The following RBBP8 variants were observed in gnomAD, a reference collection of about 807,000 sequenced individuals.
RBBP8 encodes RB binding protein 8, endonuclease, also known as DNA endonuclease RBBP8.
A neutral mutation model predicts 108.3 loss-of-function variants in RBBP8; 88 were observed. The observed-to-expected ratio is 0.81, with a 90% CI of 0.68 to 0.97. The LOEUF (loss-of-function observed/expected upper bound fraction) is 0.97, where lower values mean the gene tolerates loss of function less well. RBBP8 is among the 50% of genes least tolerant of loss of function. The probability of loss-of-function intolerance (pLI) is 0.00; values close to 1 mark genes in which losing one functional copy is unlikely to be tolerated. For synonymous variants in RBBP8, 332 were observed against 348.2 expected (o/e 0.95, Z 0.52); for missense variants, 1,023 against 1,049.0 (o/e 0.98, Z 0.34).
At chr18:23,016,521 C>T (rs1219454865) in intron 16 of RBBP8, among the ~76,000 whole-genome samples, 4 of 152,030 alleles carry the variant, frequency 2.6e-5, no homozygotes, top group Non-Finnish European at 2.9e-5. Flanking sequence ...CAAGCCTGGC[C>T]AACAGAGCAA....
intron 2 of RBBP8, among the ~76,000 whole-genome samples, chr18:22,944,185 T>A (rs139507162): frequency 6.6e-6 from 1 of 152,190 alleles, no homozygotes; most frequent in African/African-American, 2.4e-5. Context: ...ATGCTAAAAT[T>A]TAAACACACA....
chr18:22,936,622 AT>A, intron 1 of RBBP8, 131 bp from the exon 2 acceptor site: 1 of 510,632 alleles, frequency 2.0e-6, no homozygotes, highest in Non-Finnish European at 3.5e-6. Context: ...CCCCTCCCAA[AT>A]TCTAAAAATG....
chr18:22,962,891 G>A (rs781082787), intron 4 of RBBP8, among the ~76,000 whole-genome samples: 2 of 152,044 alleles, frequency 1.3e-5, no homozygotes, highest in African/African-American at 2.4e-5. Context: ...ATGAGCCACC[G>A]CACCCAGCCC....
chr18:22,964,640 A>G (rs1462961365), intron 4 of RBBP8, among the ~76,000 whole-genome samples: 1 of 147,064 alleles, frequency 6.8e-6, no homozygotes, highest in African/African-American at 2.6e-5. Context: ...TTTTTATTTT[A>G]TTTTATTTTA....
At chr18:23,016,417 G>T (rs981618614) in intron 16 of RBBP8, among the ~76,000 whole-genome samples, 1 of 152,004 alleles carries the variant, frequency 6.6e-6, no homozygotes, top group Non-Finnish European at 1.5e-5. Flanking sequence ...GGTGGTACAG[G>T]CCTGTAATCC....
chr18:22,980,819 A>G (rs374704174), intron 6 of RBBP8, among the ~76,000 whole-genome samples: 1 of 148,928 alleles, frequency 6.7e-6, no homozygotes, highest in South Asian at 2.1e-4. Context: ...GGCTCAGGCA[A>G]CCCTCCCACC....
intron 3 of RBBP8, among the ~76,000 whole-genome samples, chr18:22,928,305 G>C (rs1389876108): frequency 6.6e-6 from 1 of 152,148 alleles, no homozygotes; most frequent in African/African-American, 2.4e-5. Context: ...CAATATAATG[G>C]TGTTAAGTGC....
chr18:22,980,845 G>A (rs1914865226), intron 6 of RBBP8, among the ~76,000 whole-genome samples: 1 of 149,994 alleles, frequency 6.7e-6, no homozygotes, highest in African/African-American at 2.4e-5. Context: ...CTCCCAAGTA[G>A]CTGAGACTAC....
intron 15 of RBBP8, among the ~76,000 whole-genome samples, chr18:23,003,256 G>A (rs756296932): frequency 7.9e-5 from 12 of 152,112 alleles, no homozygotes; most frequent in Admixed American, 1.3e-4. Flanking sequence ...ATACTTTTGC[G>A]TCTCTTCAGC....
chr18:22,961,311 C>T (rs144175502), intron 4 of RBBP8, among the ~76,000 whole-genome samples: 2 of 152,138 alleles, frequency 1.3e-5, no homozygotes, highest in Non-Finnish European at 2.9e-5. Flanking sequence ...GAGCTGGGGG[C>T]CCAGCTATAC....
At position 22,980,012 on chromosome 18, in the gene RBBP8, G is replaced by A. The variant is rs575657423; in HGVS notation, c.429-2206G>A. Among the ~76,000 whole-genome samples the A allele has an allele frequency of 6.3e-5, 9 of 143,562 alleles. No homozygotes were observed. The East Asian group carries it at 9.4e-4, about 15-fold the overall frequency. 94.2% of individuals were successfully genotyped at this position (143,562 alleles called of 152,430 possible). ...TATAATCTCAGCACTTTGGGAGGCC[G>A]AGACGGGTGGATCACTTGAGGTCAG... On this transcript the variant is annotated intron_variant, in intron 6 of 18. Coordinates refer to ENST00000327155, the MANE Select transcript of RBBP8 (RefSeq NM_002894.3).
At chr18:23,018,592 C>T (rs1000735940) in intron 17 of RBBP8, among the ~76,000 whole-genome samples, 3 of 152,176 alleles carry the variant, frequency 2.0e-5, no homozygotes, top group East Asian at 3.9e-4. Flanking sequence ...CTTTAAATTA[C>T]CTCTAATTAC....
Position 22,949,474 on chromosome 18 carries a change from T to C in RBBP8, c.153-144T>C, listed in dbSNP as rs553220633. ...GAAAATTCTGGTATAATTTGAACTG[T>C]GATTTACAAGATATTCCAACCTGAC... On this transcript the variant is annotated intron_variant, in intron 3 of 18. Coordinates refer to ENST00000327155, the MANE Select transcript of RBBP8 (RefSeq NM_002894.3). 65 of 651,508 alleles carry C rather than the reference T, an allele frequency of 1.0e-4. No homozygotes were observed. The East Asian group carries it at 1.6e-3, about 17-fold the overall frequency. The allele number at this position is 651,508 out of a possible 1,614,324, so 40.4% of individuals were successfully genotyped here.
At chr18:22,978,652 A>G (rs1914665553) in intron 6 of RBBP8, among the ~76,000 whole-genome samples, 1 of 152,190 alleles carries the variant, frequency 6.6e-6, no homozygotes. Context: ...GATTAGTTAA[A>G]GCTAGGTCAG....
At chr18:23,009,101 A>G (rs929119391) in intron 16 of RBBP8, among the ~76,000 whole-genome samples, 1 of 152,124 alleles carries the variant, frequency 6.6e-6, no homozygotes, top group African/African-American at 2.4e-5. Flanking sequence ...AAGGTAAACT[A>G]TACTTCATAC....
intron 6 of RBBP8, among the ~76,000 whole-genome samples, chr18:22,978,300 G>A (rs1315692008): frequency 1.3e-5 from 2 of 152,210 alleles, no homozygotes; most frequent in African/African-American, 2.4e-5. Context: ...CCATCAGAAG[G>A]AAAAGTGAAA....
At chr18:22,916,222 TTC>T (rs1909350398) in intron 2 of RBBP8, among the ~76,000 whole-genome samples, 2 of 151,832 alleles carry the variant, frequency 1.3e-5, no homozygotes, top group Admixed American at 6.6e-5. Flanking sequence ...GCATAACTCT[TTC>T]TGTCAACAAT....
At chr18:23,014,380 AAGGATTCACC>A (rs1235156775) in intron 16 of RBBP8, among the ~76,000 whole-genome samples, 8 of 152,200 alleles carry the variant, frequency 5.3e-5, no homozygotes, top group Admixed American at 2.0e-4. Context: ...ACCTTCTGGA[AAGGATTCACC>A]ATTCCAGATG....
chr18:22,935,328 A>G (rs368822335), intron 1 of RBBP8, among the ~76,000 whole-genome samples: 1 of 149,516 alleles, frequency 6.7e-6, no homozygotes, highest in East Asian at 1.9e-4. Flanking sequence ...ATCGCAGAGT[A>G]TATCCCTTTA....
Sources: gnomAD v4.1 joint callset for allele counts (sites outside exome capture counted in the v4.1 genomes callset) on GRCh38, gnomAD v4.1.1 for gene constraint, MANE v1.5 for transcripts, NCBI Gene and HGNC (gene_info 2026-07-23, HGNC 2026-07-21) for gene names.